The following LIN54 variants were observed in gnomAD, a reference collection of about 807,000 sequenced individuals.
LIN54 encodes protein lin-54 homolog.
LIN54 carries 9 observed loss-of-function variants against 78.7 expected under a neutral mutation model. That is an observed-to-expected ratio of 0.11 (90% CI 0.07 to 0.20). The LOEUF is 0.20. Among genes scored for constraint, LIN54 ranks in the 10% least tolerant of loss-of-function variants. The pLI is 1.00. For synonymous variants in LIN54, 269 were observed against 318.4 expected (o/e 0.84, Z 1.65); for missense variants, 573 against 889.9 (o/e 0.64, Z 4.53).
chr4:82,955,715 T>C (rs1032374275), intron 4 of LIN54, among the ~76,000 whole-genome samples: 4 of 148,356 alleles, frequency 2.7e-5, no homozygotes, highest in Non-Finnish European at 4.5e-5. Flanking sequence ...AACTCAGGAG[T>C]TCAAGACCAG....
chr4:82,972,473 G>A (rs1423494578), intron 3 of LIN54, among the ~76,000 whole-genome samples: 1 of 152,050 alleles, frequency 6.6e-6, no homozygotes, highest in Non-Finnish European at 1.5e-5. Context: ...ACATCAAATA[G>A]GTTTAGAGAG....
chr4:82,954,448 C>T (rs1724117477), intron 4 of LIN54, among the ~76,000 whole-genome samples: 1 of 143,768 alleles, frequency 7.0e-6, no homozygotes, highest in Non-Finnish European at 1.6e-5. Flanking sequence ...GACGGAGTCT[C>T]ACTGGGTCTT....
At chr4:83,007,509 A>G (rs115917429) in intron 1 of LIN54, among the ~76,000 whole-genome samples, 1 of 152,278 alleles carries the variant, frequency 6.6e-6, no homozygotes, top group African/African-American at 2.4e-5. Context: ...GATAGTTATG[A>G]GGTATGCTGT....
intron 1 of LIN54, among the ~76,000 whole-genome samples, chr4:82,999,785 A>AAAAG (rs1394283007): frequency 6.6e-6 from 1 of 150,768 alleles, no homozygotes; most frequent in Non-Finnish European, 1.5e-5. Context: ...CTCAAAAAAA[A>AAAAG]AAAAAAAAAA....
At chr4:82,974,311 A>T (rs781162423) in intron 3 of LIN54, among the ~76,000 whole-genome samples, 2 of 152,162 alleles carry the variant, frequency 1.3e-5, no homozygotes, top group Non-Finnish European at 2.9e-5. Context: ...AAACAAGATA[A>T]AAGAACCATC....
chr4:82,940,154 T>G (rs1429030570), intron 5 of LIN54, among the ~76,000 whole-genome samples, 192 bp from the exon 6 acceptor site: 2 of 152,198 alleles, frequency 1.3e-5, no homozygotes, highest in African/African-American at 4.8e-5. Flanking sequence ...CCAGAGAACT[T>G]ATATCTAAGG....
At chr4:83,002,723 C>A (rs553576303) in intron 1 of LIN54, among the ~76,000 whole-genome samples, 1 of 152,038 alleles carries the variant, frequency 6.6e-6, no homozygotes, top group East Asian at 1.9e-4. Context: ...CTCCTCCTTA[C>A]GGTTTTTGTA....
At position 82,927,840 on chromosome 4, in the gene LIN54, A is replaced by C; in HGVS notation, c.*262T>G. The C allele has an allele frequency of 2.7e-6, 1 of 374,356 alleles. No individual in the cohort carries two copies. The highest frequency in any genetic ancestry group is 4.6e-5 in the East Asian group (1 of 21,570). 23.2% of individuals were successfully genotyped at this position (374,356 alleles called of 1,614,324 possible). ...AAAGGTATCAGAAAGAGAACATCTA[A>C]TTCTTAAGAAACCCAAGCAAATTAA... On this transcript the variant is annotated 3_prime_UTR_variant, in exon 13 of 13. Coordinates refer to ENST00000340417, the MANE Select transcript of LIN54 (RefSeq NM_194282.4).
At chr4:82,983,431 T>C (rs187209542) in intron 2 of LIN54, among the ~76,000 whole-genome samples, 70 of 152,310 alleles carry the variant, frequency 4.6e-4, no homozygotes, top group African/African-American at 1.7e-3. Context: ...TTCATACTAA[T>C]AATAGGTACC....
intron 1 of LIN54, among the ~76,000 whole-genome samples, chr4:83,007,254 G>A (rs1284983162): frequency 6.6e-6 from 1 of 152,110 alleles, no homozygotes; most frequent in Non-Finnish European, 1.5e-5. Flanking sequence ...ATAGGGTTAT[G>A]TACCAAGGGA....
At chr4:82,971,537 T>TAA (rs34112919) in intron 3 of LIN54, among the ~76,000 whole-genome samples, 48 of 145,874 alleles carry the variant, frequency 3.3e-4, no homozygotes, top group South Asian at 1.3e-3. Context: ...AAATTGAATT[T>TAA]AAAAAAAAAA....
At position 82,930,042 on chromosome 4, in the gene LIN54, C is replaced by T. The variant is rs182794706; in HGVS notation, c.2048+901G>A. 9.0e-3 allele frequency among the ~76,000 whole-genome samples: 1,373 copies of T among 151,962 alleles called. 17 individuals carry two copies. Among genetic ancestry groups the T allele is most frequent in the African/African-American group, 0.03 (1,264 of 41,454 alleles). On this transcript the variant is annotated intron_variant, in intron 12 of 12. Coordinates refer to ENST00000340417, the MANE Select transcript of LIN54 (RefSeq NM_194282.4). ...CCTCCCAAGTAGCTGGGATTACAGG[C>T]GCACACCACCATGCCCAGCTAATTT...
At chr4:83,012,800 G>A (rs1186685540), upstream of LIN54, 1 of 151,538 alleles carries the variant, frequency 6.6e-6, no homozygotes, top group African/African-American at 2.4e-5. Flanking sequence ...ACCAAAGCCG[G>A]CGGCGCCGCC....
intron 11 of LIN54, among the ~76,000 whole-genome samples, chr4:82,933,239 A>T (rs1385291699): frequency 3.3e-5 from 5 of 149,398 alleles, no homozygotes; most frequent in Non-Finnish European, 7.4e-5. Context: ...TTTAGATTTT[A>T]TATATATATA....
At chr4:82,983,496 A>T (rs975970241) in intron 2 of LIN54, among the ~76,000 whole-genome samples, 1 of 152,188 alleles carries the variant, frequency 6.6e-6, no homozygotes, top group African/African-American at 2.4e-5. Flanking sequence ...CATCTTGATC[A>T]AAAAGTATTC....
chr4:82,984,946 A>C, intron 1 of LIN54, 70 bp from the exon 2 acceptor site: 1 of 1,046,622 alleles, frequency 9.6e-7, no homozygotes, highest in Non-Finnish European at 1.4e-6. Flanking sequence ...TTCAAAAAAA[A>C]TGCAAATGGC....
At chr4:82,998,065 T>C (rs1432824255) in intron 1 of LIN54, among the ~76,000 whole-genome samples, 1 of 82,036 alleles carries the variant, frequency 1.2e-5, no homozygotes, top group African/African-American at 4.0e-5. Context: ...TATATACACG[T>C]ATATATATAT....
chr4:82,961,302 T>C (rs1274854394), intron 4 of LIN54, among the ~76,000 whole-genome samples: 1 of 152,238 alleles, frequency 6.6e-6, no homozygotes, highest in Admixed American at 6.5e-5. Context: ...CAAAGAATTC[T>C]ACTCAAGCTA....
chr4:82,974,120 G>C (rs1231257894), intron 3 of LIN54, among the ~76,000 whole-genome samples: 1 of 151,934 alleles, frequency 6.6e-6, no homozygotes, highest in Non-Finnish European at 1.5e-5. Context: ...TGAGGCAAGA[G>C]AATGGCGTGA....
Sources: gnomAD v4.1 joint callset for allele counts (sites outside exome capture counted in the v4.1 genomes callset) on GRCh38, gnomAD v4.1.1 for gene constraint, MANE v1.5 for transcripts, NCBI Gene and HGNC (gene_info 2026-07-23, HGNC 2026-07-21) for gene names.